FBXL17: variants seen among roughly 807,000 people sequenced by gnomAD.
The protein encoded by FBXL17 is F-box/LRR-repeat protein 17.
Under a neutral mutation model 66.2 loss-of-function variants are expected in FBXL17, and 22 were observed. The observed-to-expected ratio is 0.33, with a 90% CI of 0.24 to 0.47. The LOEUF (loss-of-function observed/expected upper bound fraction) is 0.47, where lower values mean the gene tolerates loss of function less well. FBXL17 is among the 20% of genes least tolerant of loss of function. FBXL17 has a pLI of 1.00. For synonymous variants in FBXL17, 474 were observed against 400.5 expected (o/e 1.18, Z -2.19); for missense variants, 878 against 948.2 (o/e 0.93, Z 0.97).
At chr5:108,246,666 A>G (rs981005437) in intron 4 of FBXL17, among the ~76,000 whole-genome samples, 1 of 152,260 alleles carries the variant, frequency 6.6e-6, no homozygotes, top group Non-Finnish European at 1.5e-5. Flanking sequence ...CAGAATTGCC[A>G]TAGGGCATCT....
chr5:108,339,924 A>G (rs961588921), intron 4 of FBXL17, among the ~76,000 whole-genome samples: 5 of 152,184 alleles, frequency 3.3e-5, no homozygotes, highest in African/African-American at 1.2e-4. Flanking sequence ...TTGCTAAACT[A>G]ATATAATTAA....
At chr5:108,324,098 A>G (rs1759743171) in intron 4 of FBXL17, among the ~76,000 whole-genome samples, 1 of 152,088 alleles carries the variant, frequency 6.6e-6, no homozygotes, top group Non-Finnish European at 1.5e-5. Context: ...ATACATAAAA[A>G]TTTTAATAAT....
At chr5:108,242,396 T>TGTC (rs1554078895) in intron 4 of FBXL17, among the ~76,000 whole-genome samples, 7 of 141,688 alleles carry the variant, frequency 4.9e-5, no homozygotes, top group Admixed American at 2.9e-4. Flanking sequence ...TTGTTGTTGT[T>TGTC]GTCATTGTAG....
intron 4 of FBXL17, among the ~76,000 whole-genome samples, chr5:108,238,535 G>A (rs991463757): frequency 2.0e-5 from 3 of 152,148 alleles, no homozygotes; most frequent in Non-Finnish European, 4.4e-5. Flanking sequence ...TGGGGGAACA[G>A]GGTCTCATTC....
At chr5:108,203,356 G>C (rs930288694) in intron 5 of FBXL17, among the ~76,000 whole-genome samples, 2 of 152,020 alleles carry the variant, frequency 1.3e-5, no homozygotes, top group African/African-American at 4.8e-5. Context: ...CATACAATTA[G>C]CTTTGTTGAC....
chr5:108,228,268 T>C (rs1225442556), intron 4 of FBXL17, among the ~76,000 whole-genome samples: 1 of 152,120 alleles, frequency 6.6e-6, no homozygotes, highest in Non-Finnish European at 1.5e-5. Flanking sequence ...TTGGGTGGCA[T>C]CCAGCTCCAC....
At chr5:107,916,212 A>C (rs1486081476) in intron 7 of FBXL17, among the ~76,000 whole-genome samples, 2 of 152,214 alleles carry the variant, frequency 1.3e-5, no homozygotes, top group African/African-American at 4.8e-5. Flanking sequence ...TACGATAATC[A>C]ATCCTTTGTT....
At chr5:108,134,964 T>C (rs1039793020) in intron 6 of FBXL17, among the ~76,000 whole-genome samples, 2 of 152,206 alleles carry the variant, frequency 1.3e-5, no homozygotes, top group Admixed American at 6.6e-5. Flanking sequence ...CTTCTAAATA[T>C]ATTTTTGTCA....
rs1246033506 is a variant in FBXL17, at chr5:108,359,944, T to A, written c.1374+4794A>T. 4.6e-5 allele frequency among the ~76,000 whole-genome samples: 7 copies of A among 152,242 alleles called. No homozygotes were observed. In the East Asian group the frequency reaches 1.2e-3, roughly 25 times the overall value. On this transcript the variant is annotated intron_variant, in intron 3 of 8. Coordinates refer to ENST00000542267, the MANE Select transcript of FBXL17 (RefSeq NM_001163315.3). Reference sequence around the variant, plus strand: ...CTATTCCTCTCTCCAAGTCTTTCAATTTTTGCTATATATATTTTAAGGATT... The same window carrying A: ...CTATTCCTCTCTCCAAGTCTTTCAAATTTTGCTATATATATTTTAAGGATT...
At chr5:108,321,476 C>A (rs1259014758) in intron 4 of FBXL17, among the ~76,000 whole-genome samples, 2 of 151,788 alleles carry the variant, frequency 1.3e-5, no homozygotes, top group African/African-American at 4.8e-5. Flanking sequence ...AAAATGGCCA[C>A]TGATTTATAG....
At chr5:108,101,457 C>G (rs538715009) in intron 6 of FBXL17, among the ~76,000 whole-genome samples, 3 of 152,126 alleles carry the variant, frequency 2.0e-5, no homozygotes, top group African/African-American at 7.2e-5. Context: ...TAGTGCTGGG[C>G]CCAATCAAAG....
At chr5:107,936,379 T>C (rs960485093) in intron 7 of FBXL17, among the ~76,000 whole-genome samples, 4 of 152,078 alleles carry the variant, frequency 2.6e-5, no homozygotes. Context: ...GATTACTCAA[T>C]TTACTGTTAA....
At chr5:108,039,289 T>C (rs572273679) in intron 6 of FBXL17, among the ~76,000 whole-genome samples, 1 of 152,174 alleles carries the variant, frequency 6.6e-6, no homozygotes, top group South Asian at 2.1e-4. Flanking sequence ...AATGATATGA[T>C]GTTTTACAGT....
chr5:108,270,609 C>T (rs1310838003), intron 4 of FBXL17, among the ~76,000 whole-genome samples: 1 of 150,332 alleles, frequency 6.7e-6, no homozygotes, highest in Non-Finnish European at 1.5e-5. Flanking sequence ...TAGCCATAAA[C>T]TTTGAGGATA....
chr5:108,028,254 A>G (rs1580347201), intron 6 of FBXL17, among the ~76,000 whole-genome samples: 1 of 152,302 alleles, frequency 6.6e-6, no homozygotes, highest in East Asian at 1.9e-4. Flanking sequence ...AGTGAAAACT[A>G]GAAACATTGT....
At chr5:108,090,287 A>G (rs1053944400) in intron 6 of FBXL17, among the ~76,000 whole-genome samples, 9 of 152,222 alleles carry the variant, frequency 5.9e-5, no homozygotes, top group African/African-American at 2.2e-4. Flanking sequence ...GGCATACCAC[A>G]TGGGAGCCAT....
At chr5:108,052,475 G>A (rs1284169102) in intron 6 of FBXL17, among the ~76,000 whole-genome samples, 2 of 152,088 alleles carry the variant, frequency 1.3e-5, no homozygotes, top group South Asian at 4.1e-4. Flanking sequence ...CAAATACCTA[G>A]CAATACAGCT....
rs1215514662 is a variant in FBXL17, at chr5:108,327,016, G to C, written c.1506+21383C>G. 2.0e-5 allele frequency among the ~76,000 whole-genome samples: 3 copies of C among 152,228 alleles called. No homozygotes were observed. The East Asian group carries it at 5.8e-4, about 29-fold the overall frequency. ...AAAGCTTTTGTCCATTCAAAGACTG[G>C]TTCATGTATGTTCACAGCAGCTTTA... On this transcript the variant is annotated intron_variant, in intron 4 of 8. Coordinates refer to ENST00000542267, the MANE Select transcript of FBXL17 (RefSeq NM_001163315.3).
At position 108,058,312 on chromosome 5, in the gene FBXL17, G is replaced by A. The variant is rs914795595; in HGVS notation, c.1746-37311C>T. 4.4e-4 allele frequency among the ~76,000 whole-genome samples: 67 copies of A among 152,228 alleles called. 1 individual carries two copies. The highest frequency in any genetic ancestry group is 3.4e-3 in the Middle Eastern group (1 of 294). On this transcript the variant is annotated intron_variant, in intron 6 of 8. Transcript: ENST00000542267. ...AATGTGATTGCAAAGTTCCTTTCTCGAAGAGGAACATCTTACATTTAGAAA... is the reference window on the plus strand; with the variant it reads ...AATGTGATTGCAAAGTTCCTTTCTCAAAGAGGAACATCTTACATTTAGAAA...
Sources: allele counts gnomAD v4.1 joint callset (sites outside exome capture counted in the v4.1 genomes callset), GRCh38; gene constraint gnomAD v4.1.1; transcripts MANE v1.5; gene names NCBI Gene and HGNC (gene_info 2026-07-23, HGNC 2026-07-21).